LRP4: variants seen among roughly 807,000 people sequenced by gnomAD.
LRP4 encodes the protein low-density lipoprotein receptor-related protein 4.
Under a neutral mutation model 220.3 loss-of-function variants are expected in LRP4, and 95 were observed. The ratio of observed to expected loss-of-function variants is 0.43; its 90% confidence interval spans 0.37 to 0.51. The LOEUF is 0.51. Among genes scored for constraint, LRP4 ranks in the 20% least tolerant of loss-of-function variants. The pLI is 0.00. For missense variants in LRP4, 1,925 were observed against 2,567.0 expected (o/e 0.75, Z 5.40); for synonymous variants, 903 against 954.6 (o/e 0.95, Z 1.00).
chr11:46,912,011 C>T (rs1329143905), intron 1 of LRP4, among the ~76,000 whole-genome samples: 2 of 152,070 alleles, frequency 1.3e-5, no homozygotes, highest in Admixed American at 6.6e-5. Context: ...TGTGCCACCA[C>T]GTCAGCTAAT....
intron 7 of LRP4, 146 bp downstream of exon 7, chr11:46,898,412 C>T: frequency 2.8e-6 from 3 of 1,084,314 alleles, no homozygotes; most frequent in South Asian, 2.5e-5. Context: ...TCTTGAACTC[C>T]TGACCTCAAG....
chr11:46,900,238 C>T (rs777991920), intron 3 of LRP4, 24 bp downstream of exon 3: 39 of 1,558,294 alleles, frequency 2.5e-5, no homozygotes, highest in South Asian at 4.4e-5. Flanking sequence ...AATGGAGTTC[C>T]GCCCAGCCTC....
chr11:46,896,284 A>G lies in LRP4; in HGVS notation c.974T>C (p.Ile325Thr), dbSNP rs753709386. 3.1e-6 allele frequency: 5 copies of G among 1,614,062 alleles called. No individual in the cohort carries two copies. Among genetic ancestry groups the G allele is most frequent in the Admixed American group, 1.7e-5 (1 of 60,008 alleles). The stretch of plus-strand genomic sequence containing the variant: ...CCCGTTGCACAGCTTCCTCTGCCCA[A>G]TGCAGCGCCCATTCCAACACAGGAA... ...DQFLCWNGRC[I>T]GQRKLCNGVN... Residue 325 changes from isoleucine to threonine, a missense_variant, in exon 9 of 38, where the codon ATT (isoleucine) becomes ACT (threonine). Ile to Thr is a moderately conservative substitution (Grantham distance 89, BLOSUM62 -1). Transcript: ENST00000378623.
chr11:46,911,444 T>C (rs1262219805), intron 1 of LRP4, among the ~76,000 whole-genome samples: 2 of 152,136 alleles, frequency 1.3e-5, no homozygotes, highest in Non-Finnish European at 2.9e-5. Flanking sequence ...CATTTGTTTA[T>C]GGCTGTTCAG....
At chr11:46,898,009 CCCCAACCTCCCT>C (rs1182365181) in intron 7 of LRP4, among the ~76,000 whole-genome samples, 3 of 149,596 alleles carry the variant, frequency 2.0e-5, no homozygotes, top group Admixed American at 6.6e-5. Flanking sequence ...GGGGCTGACC[CCCCAACCTCCCT>C]CCCGGACGGG....
At position 46,868,056 on chromosome 11, in the gene LRP4, C is replaced by T. The variant is rs111426027; in HGVS notation, c.5010G>A (p.Val1670=). 19,682 of 1,614,108 alleles carry T rather than the reference C, an allele frequency of 0.012. 165 individuals are homozygous for T. The highest frequency in any genetic ancestry group is 0.02 in the Middle Eastern group (121 of 6,058). ...AGGTGGTAGGTGGTGTGTTGGGTAG[C>T]ACTGGGCTCTTTTCACTCATGCCAG... is the stretch of plus-strand genomic sequence containing the variant. ...RATGMSEKSP[V]LPNTPPTTLY... The change falls in exon 34 of 38, where the codon GTG becomes GTA. Residue 1670 remains valine, a synonymous_variant. Transcript: ENST00000378623.
rs1460217409 is a variant in LRP4, at chr11:46,875,899, G to A, written c.3604C>T (p.Arg1202Cys). The stretch of plus-strand genomic sequence containing the variant: ...AGGTTGTTGTTGATGAGCACCGCGC[G>A]GTCTGAGCCATCCATTCCGGACCGC... ...LERSGMDGSDRAVLINNNLGW... is the reference protein window; with the variant it reads ...LERSGMDGSDCAVLINNNLGW... The change falls in exon 26 of 38, where the codon CGC becomes TGC. Residue 1202 changes from arginine (R) to cysteine (C), a missense_variant. Transcript: ENST00000378623. This position sits in a 1 kb window ranked among gnomAD's most constrained non-coding sequence, Gnocchi z 4.5. The A allele has an allele frequency of 1.2e-6, 2 of 1,613,964 alleles. No homozygotes were observed. The highest frequency in any genetic ancestry group is 1.7e-5 in the Admixed American group (1 of 59,980).
rs1367379246 is a variant in LRP4 at position 46,875,320 on chromosome 11, A to G, written c.3925+136T>C. 1.1e-6 allele frequency: 1 copy of G among 928,190 alleles called. No homozygotes were observed. The highest frequency in any genetic ancestry group is 1.6e-5 in the African/African-American group (1 of 61,306). 57.5% of individuals were successfully genotyped at this position (928,190 alleles called of 1,614,324 possible). A position where few individuals can be genotyped will look rare whatever the true frequency, so the allele number is the denominator to read the frequency against. The stretch of plus-strand genomic sequence containing the variant: ...CCATACCCAGAGAGAACACAGCCCA[A>G]TCTGGAAGGGAGCTTAAACAGGTCA... On this transcript the variant is annotated intron_variant, in intron 27 of 37. Coordinates refer to ENST00000378623, the MANE Select transcript of LRP4 (RefSeq NM_002334.4). This position sits in a 1 kb window ranked among gnomAD's most constrained non-coding sequence, Gnocchi z 4.5.
At chr11:46,909,639 A>AAAAAG (rs1941824052) in intron 1 of LRP4, among the ~76,000 whole-genome samples, 2 of 147,424 alleles carry the variant, frequency 1.4e-5, no homozygotes. Context: ...AAAAAAAAAA[A>AAAAAG]AGGAGGAATC....
In LRP4 at chr11:46,900,372, G is replaced by A; in HGVS notation, c.206C>T (p.Pro69Leu). ...GTGAAAGTCAAGAGGGGAACAGGTA[G>A]GTAGTACTGAATCCCAGGAAAAGAA... ...DHSDEDGCIL[P>L]TCSPLDFHCD... The change falls in exon 3 of 38, where the codon CCT becomes CTT. Residue 69 changes from proline (P) to leucine (L), a missense_variant. Coordinates refer to ENST00000378623, the MANE Select transcript of LRP4 (RefSeq NM_002334.4). The A allele has an allele frequency of 4.4e-6, 7 of 1,596,386 alleles. No homozygotes were observed. Among genetic ancestry groups the A allele is most frequent in the Non-Finnish European group, 6.0e-6 (7 of 1,163,834 alleles).
rs1302274071 is a variant in LRP4, at chr11:46,875,596, T to G, written c.3785A>C (p.Asp1262Ala). Residue 1262 changes from aspartate (D) to alanine (A), a missense_variant, in exon 27 of 38, where the codon GAC (aspartate) becomes GCC (alanine). Physicochemically the swap from Asp to Ala is moderately radical, Grantham distance 126. Coordinates refer to ENST00000378623, the MANE Select transcript of LRP4 (RefSeq NM_002334.4). This position sits in a 1 kb window ranked among gnomAD's most constrained non-coding sequence, Gnocchi z 4.5. ...VQHPYGLTLL[D>A]SYIYWTDWQT... ...CCAGTCAGTCCAGTAGATATAGGAG[T>G]CGAGCAGGGTGAGGCCATATGGGTG... 6.2e-7 allele frequency: 1 copy of G among 1,613,636 alleles called. No individual in the cohort carries two copies.
chr11:46,879,444 T>C, intron 20 of LRP4, 129 bp from the exon 21 acceptor site: 1 of 853,516 alleles, frequency 1.2e-6, no homozygotes, highest in South Asian at 1.5e-5. Context: ...CAGTAAGAGC[T>C]ACTTATAAAA....
intron 1 of LRP4, among the ~76,000 whole-genome samples, chr11:46,913,319 T>C (rs1038831166): frequency 1.4e-4 from 21 of 152,260 alleles, no homozygotes; most frequent in Non-Finnish European, 2.5e-4. Flanking sequence ...AGCTAGAGAA[T>C]TGGCTCTTTT....
At chr11:46,904,045 A>G (rs1941717301) in intron 1 of LRP4, among the ~76,000 whole-genome samples, 2 of 152,190 alleles carry the variant, frequency 1.3e-5, no homozygotes, top group African/African-American at 4.8e-5. Context: ...CTCAGCTGGA[A>G]CAAAGGGTTC....
chr11:46,859,319 G>A lies in LRP4; in HGVS notation c.5386-4C>T. The A allele has an allele frequency of 6.2e-7, 1 of 1,610,568 alleles. No individual in the cohort carries two copies. The stretch of plus-strand genomic sequence containing the variant: ...TGTAGTTATGGTCAGGCCCTCCCTA[G>A]GGTGGAGAGTGGGCAGATATGGTCA... On this transcript the variant is annotated splice_region_variant and splice_polypyrimidine_tract_variant and intron_variant, in intron 37 of 37. Coordinates refer to ENST00000378623, the MANE Select transcript of LRP4 (RefSeq NM_002334.4).
intron 10 of LRP4, 90 bp downstream of exon 10, chr11:46,895,794 T>C: frequency 6.4e-7 from 1 of 1,573,916 alleles, no homozygotes; most frequent in Non-Finnish European, 8.6e-7. Flanking sequence ...GGTCACACCG[T>C]TCAAATGCCT....
At position 46,858,228 on chromosome 11, in the gene LRP4, T is replaced by TAGCC. The variant is rs1940429919; in HGVS notation, c.*751_*754dup. The stretch of plus-strand genomic sequence containing the variant: ...GGTGGCACCAGGAGGGAATTCCTAT[T>TAGCC]AGCCAGTAGCCTTGTGATAGGGGAC... On this transcript the variant is annotated 3_prime_UTR_variant, in exon 38 of 38. Coordinates refer to ENST00000378623, the MANE Select transcript of LRP4 (RefSeq NM_002334.4). The TAGCC allele has an allele frequency of 6.5e-6, 1 of 153,914 alleles. No individual in the cohort carries two copies. Among genetic ancestry groups the TAGCC allele is most frequent in the African/African-American group, 2.4e-5 (1 of 41,438 alleles). The allele number at this position is 153,914 out of a possible 1,614,324, so 9.5% of individuals were successfully genotyped here. A position where few individuals can be genotyped will look rare whatever the true frequency, so the allele number is the denominator to read the frequency against.
At position 46,895,999 on chromosome 11, in the gene LRP4, C is replaced by T. The variant is rs573720445; in HGVS notation, c.1068G>A (p.Glu356=). 4 of 1,614,164 alleles carry T rather than the reference C, an allele frequency of 2.5e-6. No homozygotes were observed. In the South Asian group the frequency reaches 4.4e-5, roughly 18 times the overall value. Residue 356 remains glutamate, a synonymous_variant, in exon 10 of 38, where the codon GAG becomes GAA. Transcript: ENST00000378623. ...QQNCRPRTGE[E]NCNVNNGGCA... Reference sequence around the variant, plus strand: ...AGCCACCGTTGTTAACATTGCAGTTCTCCTCACCCGTCCGGGGCCCTGTGC... The same window carrying T: ...AGCCACCGTTGTTAACATTGCAGTTTTCCTCACCCGTCCGGGGCCCTGTGC...
chr11:46,875,664 G>A lies in LRP4; in HGVS notation c.3717C>T (p.Asp1239=), dbSNP rs781773838. 6.2e-7 allele frequency: 1 copy of A among 1,614,140 alleles called. No homozygotes were observed. The highest frequency in any genetic ancestry group is 8.5e-7 in the Non-Finnish European group (1 of 1,180,010). The stretch of plus-strand genomic sequence containing the variant: ...ATGTATGCCGATTGGCACCATTCAG[G>A]TCAGCAGCCTCAATTCGCTGCAGAG... ...DAHTERIEAA[D]LNGANRHTLV... is the part of the protein sequence containing the mutation. Residue 1239 remains aspartate, a synonymous_variant, in exon 27 of 38, where the codon GAC becomes GAT. Transcript: ENST00000378623. The surrounding 1 kb of genome is among the most constrained non-coding windows in gnomAD (Gnocchi z 4.5).
Sources: allele counts gnomAD v4.1 joint callset (sites outside exome capture counted in the v4.1 genomes callset), GRCh38; gene constraint gnomAD v4.1.1; non-coding constraint Gnocchi (gnomAD v3.1); transcripts MANE v1.5; gene names NCBI Gene and HGNC (gene_info 2026-07-23, HGNC 2026-07-21).